Variants in DIAPH3 observed in about 807,000 individuals in gnomAD.
DIAPH3 encodes diaphanous related formin 3, also known as protein diaphanous homolog 3.
Under a neutral mutation model 144.3 loss-of-function variants are expected in DIAPH3, and 117 were observed. The ratio of observed to expected loss-of-function variants is 0.81; its 90% confidence interval spans 0.70 to 0.95. The LOEUF (loss-of-function observed/expected upper bound fraction) is 0.95. Among genes scored for constraint, DIAPH3 ranks in the 40% least tolerant of loss-of-function variants. The pLI, the probability that DIAPH3 is intolerant of heterozygous loss-of-function variation, is 0.00. For synonymous variants in DIAPH3, 519 were observed against 488.9 expected (o/e 1.06, Z -0.81); for missense variants, 1,421 against 1,412.7 (o/e 1.01, Z -0.09).
intron 24 of DIAPH3, among the ~76,000 whole-genome samples, chr13:59,818,135 G>A (rs2040876545): frequency 6.6e-6 from 1 of 151,618 alleles, no homozygotes; most frequent in African/African-American, 2.4e-5. Flanking sequence ...TATTGGATAT[G>A]GCTGCTTTTG....
intron 27 of DIAPH3, among the ~76,000 whole-genome samples, chr13:59,724,723 G>A (rs1279488765): frequency 6.6e-6 from 1 of 152,162 alleles, no homozygotes; most frequent in Non-Finnish European, 1.5e-5. Context: ...TTCCTTTATG[G>A]TAGTCACAGA....
chr13:60,157,535 C>A (rs949972996), intron 1 of DIAPH3, among the ~76,000 whole-genome samples: 2 of 152,158 alleles, frequency 1.3e-5, no homozygotes, highest in East Asian at 3.9e-4. Flanking sequence ...TATGGTTATA[C>A]AACTGCTTTA....
intron 4 of DIAPH3, among the ~76,000 whole-genome samples, chr13:60,058,076 A>G (rs982530133): frequency 1.3e-5 from 2 of 151,956 alleles, no homozygotes; most frequent in African/African-American, 4.8e-5. Context: ...TCTGCATAAC[A>G]AAAGAAATCA....
intron 27 of DIAPH3, among the ~76,000 whole-genome samples, chr13:59,750,074 T>A (rs559380147): frequency 6.6e-6 from 1 of 152,248 alleles, no homozygotes; most frequent in Middle Eastern, 3.4e-3. Flanking sequence ...TTGTTATTAC[T>A]GATTTTGACT....
At chr13:59,756,105 C>T (rs2037240471) in intron 27 of DIAPH3, among the ~76,000 whole-genome samples, 1 of 152,140 alleles carries the variant, frequency 6.6e-6, no homozygotes, top group Non-Finnish European at 1.5e-5. Context: ...CATAAACCTA[C>T]TGAATTAGTA....
Position 59,815,784 on chromosome 13 carries a change from T to C in DIAPH3, c.3028-4861A>G, listed in dbSNP as rs1372032311. ...AAAATGTAATTTTTATATATGCTACTGATAATTTTTCTTATTATTTCTGAT... is the reference window on the plus strand; with the variant it reads ...AAAATGTAATTTTTATATATGCTACCGATAATTTTTCTTATTATTTCTGAT... On this transcript the variant is annotated intron_variant, in intron 24 of 27. Coordinates refer to ENST00000400324, the MANE Select transcript of DIAPH3 (RefSeq NM_001042517.2). Among the ~76,000 whole-genome samples the C allele has an allele frequency of 2.6e-5, 4 of 152,250 alleles. No individual in the cohort carries two copies. The East Asian group carries it at 7.7e-4, about 29-fold the overall frequency.
chr13:60,075,220 C>A (rs1209935784), intron 4 of DIAPH3, among the ~76,000 whole-genome samples: 4 of 152,098 alleles, frequency 2.6e-5, no homozygotes, highest in Non-Finnish European at 5.9e-5. Flanking sequence ...GTATGACATT[C>A]ATTATTTTTC....
intron 25 of DIAPH3, among the ~76,000 whole-genome samples, chr13:59,779,771 CA>C (rs2038635834): frequency 1.3e-5 from 2 of 152,098 alleles, no homozygotes; most frequent in Admixed American, 6.5e-5. Context: ...CTAGGCTTCC[CA>C]AAGTGCTGGG....
chr13:59,752,900 G>A (rs1309594579), intron 27 of DIAPH3, among the ~76,000 whole-genome samples: 3 of 152,148 alleles, frequency 2.0e-5, no homozygotes, highest in Admixed American at 1.3e-4. Flanking sequence ...TACATGTAAA[G>A]TGTCTGAACA....
At chr13:59,991,700 T>G (rs1362771585) in intron 11 of DIAPH3, among the ~76,000 whole-genome samples, 1 of 151,954 alleles carries the variant, frequency 6.6e-6, no homozygotes, top group Non-Finnish European at 1.5e-5. Flanking sequence ...CAGATTAACA[T>G]GCGACCCATG....
intron 3 of DIAPH3, among the ~76,000 whole-genome samples, chr13:60,105,214 G>A (rs1178722529): frequency 3.3e-5 from 5 of 149,974 alleles, no homozygotes; most frequent in African/African-American, 9.8e-5. Context: ...TTTACATAAA[G>A]GATAAAATGG....
chr13:59,820,232 AGAGATATTG>A (rs1170237932), intron 24 of DIAPH3, among the ~76,000 whole-genome samples: 4 of 151,932 alleles, frequency 2.6e-5, no homozygotes, highest in Admixed American at 2.0e-4. Context: ...CTTTCTATTC[AGAGATATTG>A]GAATACGATG....
intron 4 of DIAPH3, among the ~76,000 whole-genome samples, chr13:60,048,947 G>A (rs993332663): frequency 2.0e-5 from 3 of 152,166 alleles, no homozygotes; most frequent in African/African-American, 7.2e-5. Flanking sequence ...GCAGTTAAGT[G>A]TTAAGCAGGA....
intron 22 of DIAPH3, among the ~76,000 whole-genome samples, chr13:59,855,397 G>A (rs1296890939): frequency 6.6e-6 from 1 of 151,586 alleles, no homozygotes; most frequent in Non-Finnish European, 1.5e-5. Flanking sequence ...TAACATTTTG[G>A]TAAGTATATG....
intron 14 of DIAPH3, among the ~76,000 whole-genome samples, chr13:59,977,965 C>G (rs991433888): frequency 2.6e-5 from 4 of 151,730 alleles, no homozygotes; most frequent in Admixed American, 1.3e-4. Context: ...GTTCTTCATA[C>G]TGATTCCTCA....
At chr13:59,842,353 T>C (rs958660245) in intron 22 of DIAPH3, among the ~76,000 whole-genome samples, 4 of 152,114 alleles carry the variant, frequency 2.6e-5, no homozygotes, top group Non-Finnish European at 5.9e-5. Context: ...AACAGACCAA[T>C]AGGTCTGAGG....
At chr13:60,151,650 A>G (rs1951790183) in intron 1 of DIAPH3, among the ~76,000 whole-genome samples, 1 of 152,212 alleles carries the variant, frequency 6.6e-6, no homozygotes, top group African/African-American at 2.4e-5. Context: ...CTGTAAGCAC[A>G]AGTCTATACC....
chr13:59,824,744 C>A (rs999613093), intron 24 of DIAPH3, among the ~76,000 whole-genome samples: 1 of 152,166 alleles, frequency 6.6e-6, no homozygotes, highest in Non-Finnish European at 1.5e-5. Flanking sequence ...TGCTTCTCCA[C>A]TTTTTGTGTG....
intron 4 of DIAPH3, among the ~76,000 whole-genome samples, chr13:60,054,517 C>A (rs1161106399): frequency 6.6e-6 from 1 of 151,960 alleles, no homozygotes; most frequent in East Asian, 1.9e-4. Flanking sequence ...CATTAATTAA[C>A]TGCCTCAGTT....
Sources: allele counts gnomAD v4.1 joint callset (sites outside exome capture counted in the v4.1 genomes callset), GRCh38; gene constraint gnomAD v4.1.1; transcripts MANE v1.5; gene names NCBI Gene and HGNC (gene_info 2026-07-23, HGNC 2026-07-21).